The following ERICH4 variants were observed in gnomAD, a reference collection of about 807,000 sequenced individuals.
ERICH4 encodes the protein glutamate-rich protein 4.
In ERICH4, 4 loss-of-function variants were observed where a neutral mutation model predicts 5.2. The observed-to-expected ratio is 0.77, with a 90% CI of 0.38 to 1.76. ERICH4 has a LOEUF of 1.76. ERICH4 is among the 40% of genes most tolerant of loss of function. ERICH4 has a pLI of 0.04. For synonymous variants in ERICH4, 75 were observed against 68.7 expected (o/e 1.09, Z -0.45); for missense variants, 164 against 159.8 (o/e 1.03, Z -0.14).
rs1314440779 is a variant in ERICH4 at position 41,444,116 on chromosome 19, G to C, written c.285G>C (p.Glu95Asp). The C allele has an allele frequency of 5.2e-6, 8 of 1,551,922 alleles. No homozygotes were observed. The highest frequency in any genetic ancestry group is 7.0e-6 in the Non-Finnish European group (8 of 1,146,970). The change falls in exon 2 of 2, where the codon GAG becomes GAC. Residue 95 changes from glutamate (E) to aspartate (D), a missense_variant. Coordinates refer to ENST00000378187, the MANE Select transcript of ERICH4 (RefSeq NM_001130514.3). The stretch of plus-strand genomic sequence containing the variant: ...TCACCATATTGGAGGAGGAGGAGGA[G>C]AGCAGCAAGGAAGAGGAGGAGGATC... ...ELVTILEEEE[E>D]SSKEEEEDQE...
chr19:41,443,975 C>A (rs782412909), intron 1 of ERICH4, 31 bp from the exon 2 acceptor site: 4 of 1,524,376 alleles, frequency 2.6e-6, no homozygotes, highest in Non-Finnish European at 3.6e-6. Context: ...TCTGGGGTGG[C>A]ATCCCTGTGA....
rs146332276 is a variant in ERICH4, at chr19:41,443,639, C to T, written c.174+296C>T. On this transcript the variant is annotated intron_variant, in intron 1 of 1. Transcript: ENST00000378187. ...TTGGGGAGGGCAGAGAGAGGGCAAGCGAGAGAAAGAGAGCCAAAGGCAGGG... is the reference window on the plus strand; with the variant it reads ...TTGGGGAGGGCAGAGAGAGGGCAAGTGAGAGAAAGAGAGCCAAAGGCAGGG... Among the ~76,000 whole-genome samples the T allele has an allele frequency of 1.0e-3, 154 of 151,316 alleles. 6 individuals carry two copies. In the East Asian group the frequency reaches 0.024, roughly 23 times the overall value.
At chr19:41,443,364 GGAAAGA>G (rs1254088199) in intron 1 of ERICH4, 21 bp downstream of exon 1, 1 of 1,287,982 alleles carries the variant, frequency 7.8e-7, no homozygotes, top group Non-Finnish European at 9.9e-7. Flanking sequence ...GGTTTGGAAG[GGAAAGA>G]GAAAGAGAGG....
intron 1 of ERICH4, 136 bp downstream of exon 1, chr19:41,443,479 C>A: frequency 2.9e-6 from 2 of 684,834 alleles, no homozygotes; most frequent in Non-Finnish European, 4.2e-6. Context: ...CATGTACAGA[C>A]ACCGAGAGAC....
At chr19:41,443,983 T>C (rs923315353) in intron 1 of ERICH4, 23 bp from the exon 2 acceptor site, 1 of 1,540,742 alleles carries the variant, frequency 6.5e-7, no homozygotes, top group African/African-American at 1.4e-5. Flanking sequence ...GGCATCCCTG[T>C]GACGTCCCCT....
At chr19:41,443,801 A>G in intron 1 of ERICH4, 1 of 582,024 alleles carries the variant, frequency 1.7e-6, no homozygotes, top group Non-Finnish European at 3.0e-6. Context: ...AGTCAGGGAC[A>G]ATGAAATGGA....
chr19:41,444,343 T>C lies in ERICH4; in HGVS notation c.*119T>C. 4.7e-6 allele frequency: 5 copies of C among 1,060,218 alleles called. No homozygotes were observed. In the East Asian group the frequency reaches 1.3e-4, roughly 27 times the overall value. The allele number at this position is 1,060,218 out of a possible 1,614,324, so 65.7% of individuals were successfully genotyped here. ...AAGTATACCCCTTTAGTAAGTGCTT[T>C]CTCTGAAGGTGCCTGCAATGATATT... On this transcript the variant is annotated 3_prime_UTR_variant, in exon 2 of 2. Transcript: ENST00000378187.
chr19:41,444,008 G>A lies in ERICH4; in HGVS notation c.177G>A (p.Gly59=), dbSNP rs1555773525. ...TGACGTCCCCTTCCTACTGGCAGGGGAACCTGCGCCGAGTGGATGTCCAGC... is the reference window on the plus strand; with the variant it reads ...TGACGTCCCCTTCCTACTGGCAGGGAAACCTGCGCCGAGTGGATGTCCAGC... ...DSLLWIREEL[G]NLRRVDVQLL... Residue 59 remains glycine (G), a splice_region_variant and synonymous_variant, in exon 2 of 2, where the codon GGG becomes GGA. Transcript: ENST00000378187. 8 of 1,548,480 alleles carry A rather than the reference G, an allele frequency of 5.2e-6. No individual in the cohort carries two copies. The highest frequency in any genetic ancestry group is 7.0e-6 in the Non-Finnish European group (8 of 1,145,962).
Position 41,444,616 on chromosome 19 carries a change from T to G in ERICH4, c.*392T>G, listed in dbSNP as rs868915446. 2.0e-4 allele frequency: 47 copies of G among 236,298 alleles called. No individual in the cohort carries two copies. The highest frequency in any genetic ancestry group is 9.9e-4 in the African/African-American group (43 of 43,608). 14.6% of individuals were successfully genotyped at this position (236,298 alleles called of 1,614,324 possible). A position where few individuals can be genotyped will look rare whatever the true frequency, so the allele number is the denominator to read the frequency against. On this transcript the variant is annotated 3_prime_UTR_variant, in exon 2 of 2. Coordinates refer to ENST00000378187, the MANE Select transcript of ERICH4 (RefSeq NM_001130514.3). ...TGCTTGAAACATGGGGACTGCAAAT[T>G]GAGATGTGCTGTGAGTGTAAAATAC...
Position 41,444,143 on chromosome 19 carries a change from A to G in ERICH4, c.312A>G (p.Gln104=), listed in dbSNP as rs1555773569. Residue 104 remains glutamine, a synonymous_variant, in exon 2 of 2, where the codon CAA becomes CAG. Coordinates refer to ENST00000378187, the MANE Select transcript of ERICH4 (RefSeq NM_001130514.3). ...EESSKEEEED[Q]EPQRKQEEEH... ...GCAGCAAGGAAGAGGAGGAGGATCAAGAGCCCCAGAGGAAGCAGGAGGAGG... is the reference window on the plus strand; with the variant it reads ...GCAGCAAGGAAGAGGAGGAGGATCAGGAGCCCCAGAGGAAGCAGGAGGAGG... 4.5e-6 allele frequency: 7 copies of G among 1,552,100 alleles called. No homozygotes were observed. The East Asian group carries it at 1.5e-4, about 33-fold the overall frequency.
At chr19:41,443,980 C>G (rs142862557) in intron 1 of ERICH4, 26 bp from the exon 2 acceptor site, 1 of 1,537,536 alleles carries the variant, frequency 6.5e-7, no homozygotes, top group Non-Finnish European at 8.8e-7. Flanking sequence ...GGTGGCATCC[C>G]TGTGACGTCC....
At chr19:41,443,718 A>C (rs1286716359) in intron 1 of ERICH4, among the ~76,000 whole-genome samples, 1 of 152,148 alleles carries the variant, frequency 6.6e-6, no homozygotes, top group Non-Finnish European at 1.5e-5. Context: ...GAAAGACAAA[A>C]AATAAATGGG....
chr19:41,444,405 A>G lies in ERICH4; in HGVS notation c.*181A>G, dbSNP rs1555773597. Reference sequence around the variant, plus strand: ...CTGTGAGCTATGGGTGTGTTTGCAGATGACATGAGGATGTGTTTGGAGGTG... The same window carrying G: ...CTGTGAGCTATGGGTGTGTTTGCAGGTGACATGAGGATGTGTTTGGAGGTG... On this transcript the variant is annotated 3_prime_UTR_variant, in exon 2 of 2. Transcript: ENST00000378187. 4 of 665,278 alleles carry G rather than the reference A, an allele frequency of 6.0e-6. No individual in the cohort carries two copies. The African/African-American group carries it at 7.2e-5, about 12-fold the overall frequency. 41.2% of individuals were successfully genotyped at this position (665,278 alleles called of 1,614,324 possible). A position where few individuals can be genotyped will look rare whatever the true frequency, so the allele number is the denominator to read the frequency against.
In ERICH4 at chr19:41,444,261, G is replaced by C; in HGVS notation, c.*37G>C. The C allele has an allele frequency of 6.5e-7, 1 of 1,548,128 alleles. No homozygotes were observed. Among genetic ancestry groups the C allele is most frequent in the Non-Finnish European group, 8.7e-7 (1 of 1,143,564 alleles). ...TGGATTTAGATTGACATACAAATGA[G>C]ATGCAAATGTATGTAAAGGAGAAGG... On this transcript the variant is annotated 3_prime_UTR_variant, in exon 2 of 2. Transcript: ENST00000378187.
chr19:41,444,007 G>C lies in ERICH4; in HGVS notation c.176G>C (p.Gly59Ala). 1 of 1,548,500 alleles carries C rather than the reference G, an allele frequency of 6.5e-7. No individual in the cohort carries two copies. Among genetic ancestry groups the C allele is most frequent in the South Asian group, 1.2e-5 (1 of 83,876 alleles). Residue 59 changes from glycine to alanine, a missense_variant and splice_region_variant, in exon 2 of 2, where the codon GGG becomes GCG. Physicochemically the swap from Gly to Ala is moderately conservative, Grantham distance 60. Transcript: ENST00000378187. ...DSLLWIREEL[G>A]NLRRVDVQLL... ...GTGACGTCCCCTTCCTACTGGCAGG[G>C]GAACCTGCGCCGAGTGGATGTCCAG...
chr19:41,443,915 A>C (rs2040141447), intron 1 of ERICH4, 91 bp from the exon 2 acceptor site: 1 of 959,008 alleles, frequency 1.0e-6, no homozygotes, highest in Admixed American at 2.4e-5. Flanking sequence ...TGTGGCCAGG[A>C]CATGAGTTGG....
In ERICH4 at chr19:41,443,310, C is replaced by A; in HGVS notation, c.141C>A (p.Ala47=). 7.6e-7 allele frequency: 1 copy of A among 1,312,152 alleles called. No individual in the cohort carries two copies. Among genetic ancestry groups the A allele is most frequent in the Non-Finnish European group, 9.8e-7 (1 of 1,019,432 alleles). The allele number at this position is 1,312,152 out of a possible 1,614,324, so 81.3% of individuals were successfully genotyped here. Residue 47 remains alanine, a synonymous_variant, in exon 1 of 2, where the codon GCC becomes GCA. Transcript: ENST00000378187. ...CTGCAGGGGCAGACACTGGAGGTGC[C>A]TGCGATAGTCTGCTGTGGATCAGGG... The part of the protein sequence containing the change: ...LRTAGADTGG[A]CDSLLWIREE...
At position 41,444,300 on chromosome 19, in the gene ERICH4, C is replaced by G. The variant is rs1447967314; in HGVS notation, c.*76C>G. On this transcript the variant is annotated 3_prime_UTR_variant, in exon 2 of 2. Transcript: ENST00000378187. ...TAAAGGAGAAGGGAGATTTGCAGGT[C>G]AAAGCAGATGTGGAATCAAGTATAC... 2.7e-6 allele frequency: 4 copies of G among 1,490,546 alleles called. No individual in the cohort carries two copies. The African/African-American group carries it at 5.6e-5, about 21-fold the overall frequency. 92.3% of individuals were successfully genotyped at this position (1,490,546 alleles called of 1,614,324 possible). A position where few individuals can be genotyped will look rare whatever the true frequency, so the allele number is the denominator to read the frequency against.
In ERICH4 at chr19:41,443,205, G is replaced by T; in HGVS notation, c.36G>T (p.Leu12=). The T allele has an allele frequency of 6.7e-7, 1 of 1,486,298 alleles. No individual in the cohort carries two copies. Among genetic ancestry groups the T allele is most frequent in the African/African-American group, 1.4e-5 (1 of 69,194 alleles). 92.1% of individuals were successfully genotyped at this position (1,486,298 alleles called of 1,614,324 possible). The part of the protein sequence containing the change: ...ELWRQLNQAG[L]VPPGLGPPPQ... Reference sequence around the variant, plus strand: ...GGAGGCAGCTGAATCAGGCTGGACTGGTGCCTCCGGGGCTGGGCCCACCCC... The same window carrying T: ...GGAGGCAGCTGAATCAGGCTGGACTTGTGCCTCCGGGGCTGGGCCCACCCC... Residue 12 remains leucine (L), a synonymous_variant, in exon 1 of 2, where the codon CTG becomes CTT. Coordinates refer to ENST00000378187, the MANE Select transcript of ERICH4 (RefSeq NM_001130514.3).
Sources: gnomAD v4.1 joint callset for allele counts (sites outside exome capture counted in the v4.1 genomes callset) on GRCh38, gnomAD v4.1.1 for gene constraint, MANE v1.5 for transcripts, NCBI Gene and HGNC (gene_info 2026-07-23, HGNC 2026-07-21) for gene names.